Variants in DYTN observed in about 807,000 individuals in gnomAD.
DYTN encodes the protein dystrotelin.
A neutral mutation model predicts 69.6 loss-of-function variants in DYTN; 75 were observed. That is an observed-to-expected ratio of 1.08 (90% CI 0.89 to 1.31). DYTN has a LOEUF of 1.31. Among genes scored for constraint, DYTN ranks in the 50% most tolerant of loss-of-function variants. The pLI, the probability that DYTN is intolerant of heterozygous loss-of-function variation, is 0.00. For synonymous variants in DYTN, 252 were observed against 249.1 expected (o/e 1.01, Z -0.11); for missense variants, 726 against 688.4 (o/e 1.05, Z -0.61).
In DYTN at chr2:206,718,265, T is replaced by C; in HGVS notation, c.15A>G (p.Lys5=). The C allele has an allele frequency of 6.3e-7, 1 of 1,599,564 alleles. No homozygotes were observed. Residue 5 remains lysine (K), a synonymous_variant, in exon 1 of 12, where the codon AAA becomes AAG. Coordinates refer to ENST00000452335, the MANE Select transcript of DYTN (RefSeq NM_001093730.1). ...AAACTTGACAATAATACTCACCTTG[T>C]TTATCTGGATCCATTTCACAAATTT... MDPD[K]QDALNSIENS...
Position 206,662,947 on chromosome 2 carries a change from A to G in DYTN, c.1589T>C (p.Leu530Pro), listed in dbSNP as rs775899210. ...GAAGGCATCCATAAGTTTTGACAATAGTTCTTGCAGTTCCTCTTCCTCCAG... is the reference window on the plus strand; with the variant it reads ...GAAGGCATCCATAAGTTTTGACAATGGTTCTTGCAGTTCCTCTTCCTCCAG... Reference protein sequence around the residue: ...DELEEEELQELLSKLMDAFNL... With the variant: ...DELEEEELQEPLSKLMDAFNL... The change falls in exon 11 of 12, where the codon CTA (leucine) becomes CCA (proline). Residue 530 changes from leucine (L) to proline (P), a missense_variant. Physicochemically the swap from Leu to Pro is moderately conservative, Grantham distance 98. Transcript: ENST00000452335. The G allele has an allele frequency of 1.2e-6, 2 of 1,613,694 alleles. No homozygotes were observed. Among genetic ancestry groups the G allele is most frequent in the Non-Finnish European group, 1.7e-6 (2 of 1,179,842 alleles).
chr2:206,666,860 T>TACAC lies in DYTN; in HGVS notation c.981-835_981-832dup, dbSNP rs35200393. Among the ~76,000 whole-genome samples the TACAC allele has an allele frequency of 5.1e-3, 706 of 137,554 alleles. 1 individual carries two copies. Among genetic ancestry groups the TACAC allele is most frequent in the African/African-American group, 6.1e-3 (227 of 37,432 alleles). 90.2% of individuals were successfully genotyped at this position (137,554 alleles called of 152,430 possible). On this transcript the variant is annotated intron_variant, in intron 9 of 11. Coordinates refer to ENST00000452335, the MANE Select transcript of DYTN (RefSeq NM_001093730.1). ...AGGCAACATGGCAAGACCTCATCTC[T>TACAC]ACACACACACACACACACACACACA... is the stretch of plus-strand genomic sequence containing the variant.
chr2:206,711,796 T>G (rs1700080712), intron 1 of DYTN, among the ~76,000 whole-genome samples: 1 of 150,178 alleles, frequency 6.7e-6, no homozygotes, highest in African/African-American at 2.5e-5. Context: ...CCATGTGTTC[T>G]CATTGTTCAA....
chr2:206,715,032 A>T (rs188879383), intron 1 of DYTN, among the ~76,000 whole-genome samples: 1 of 152,128 alleles, frequency 6.6e-6, no homozygotes, highest in Admixed American at 6.5e-5. Context: ...GATGTCTAAG[A>T]TACTAAGCAG....
chr2:206,695,441 T>C (rs2105898132), intron 7 of DYTN, among the ~76,000 whole-genome samples: 1 of 152,318 alleles, frequency 6.6e-6, no homozygotes, highest in Admixed American at 6.5e-5. Context: ...AGGAAAGATA[T>C]AAAGTAGAGG....
chr2:206,653,668 A>G (rs1699414222), intron 11 of DYTN, among the ~76,000 whole-genome samples: 1 of 152,234 alleles, frequency 6.6e-6, no homozygotes, highest in Non-Finnish European at 1.5e-5. Flanking sequence ...TAATTAATTA[A>G]GCAAGCCAAT....
At chr2:206,694,380 T>A (rs1363674849) in intron 8 of DYTN, among the ~76,000 whole-genome samples, 1 of 152,212 alleles carries the variant, frequency 6.6e-6, no homozygotes, top group Non-Finnish European at 1.5e-5. Flanking sequence ...AGAAAAATTC[T>A]CCAAAAATAT....
chr2:206,654,283 T>C (rs1225310967), intron 11 of DYTN, among the ~76,000 whole-genome samples: 3 of 152,200 alleles, frequency 2.0e-5, no homozygotes, highest in African/African-American at 7.2e-5. Flanking sequence ...CTTCTACCTC[T>C]GCCATACCTG....
intron 11 of DYTN, among the ~76,000 whole-genome samples, chr2:206,655,611 A>T (rs2105885732): frequency 7.0e-6 from 1 of 142,752 alleles, no homozygotes; most frequent in African/African-American, 2.6e-5. Flanking sequence ...TTTTGTAGAG[A>T]TAGGGTCTTG....
intron 10 of DYTN, among the ~76,000 whole-genome samples, chr2:206,664,882 A>G (rs1699552968): frequency 6.6e-6 from 1 of 152,214 alleles, no homozygotes; most frequent in African/African-American, 2.4e-5. Context: ...AATATTTTCC[A>G]AATGACCAAT....
rs1699956554 is a variant in DYTN, at chr2:206,699,770, C to A, written c.676G>T (p.Ala226Ser). Residue 226 changes from alanine to serine, a missense_variant, in exon 7 of 12, where the codon GCT becomes TCT. Coordinates refer to ENST00000452335, the MANE Select transcript of DYTN (RefSeq NM_001093730.1). ...AAAGTCCTGCAGAGAGTGCACCGAG[C>A]AGGGTGAGTGACCCTTTCAGCAGCT... ...LSAAERVTHP[A>S]RCTLCRTFPI... 2.5e-6 allele frequency: 4 copies of A among 1,613,784 alleles called. No homozygotes were observed. The highest frequency in any genetic ancestry group is 1.7e-6 in the Non-Finnish European group (2 of 1,179,802).
chr2:206,711,320 C>T (rs1161594798), intron 1 of DYTN, among the ~76,000 whole-genome samples: 2 of 152,196 alleles, frequency 1.3e-5, no homozygotes, highest in Non-Finnish European at 2.9e-5. Flanking sequence ...AGCGAGCATT[C>T]CTGAGCACTG....
chr2:206,707,419 T>C lies in DYTN; in HGVS notation c.179A>G (p.Gln60Arg). The change falls in exon 3 of 12, where the codon CAG (glutamine) becomes CGG (arginine). Residue 60 changes from glutamine (Q) to arginine (R), a missense_variant. Coordinates refer to ENST00000452335, the MANE Select transcript of DYTN (RefSeq NM_001093730.1). ...CTCTTGGAGTGCCTGAGAAAGTTGC[T>C]GCACAGAAAGGGAGTGCTTGCGAGC... is the stretch of plus-strand genomic sequence containing the variant. ...WEARKHSLSV[Q>R]QLSQALQELF... The C allele has an allele frequency of 6.2e-7, 1 of 1,613,324 alleles. No individual in the cohort carries two copies. The highest frequency in any genetic ancestry group is 8.5e-7 in the Non-Finnish European group (1 of 1,179,698).
chr2:206,675,115 A>ATATGTGTGTG (rs1553573104), intron 9 of DYTN, among the ~76,000 whole-genome samples: 75 of 131,542 alleles, frequency 5.7e-4, no homozygotes, highest in African/African-American at 2.1e-3. Flanking sequence ...ATATATATAT[A>ATATGTGTGTG]TGTGTGTGTG....
chr2:206,712,343 T>G (rs1463122987), intron 1 of DYTN, among the ~76,000 whole-genome samples: 1 of 152,110 alleles, frequency 6.6e-6, no homozygotes, highest in Non-Finnish European at 1.5e-5. Flanking sequence ...ACTAGTTTGA[T>G]TATTGAAGGT....
At chr2:206,717,079 A>ACACACACAC (rs1194032966) in intron 1 of DYTN, among the ~76,000 whole-genome samples, 1,812 of 137,188 alleles carry the variant, frequency 0.013, 27 homozygotes, top group South Asian at 0.046. Context: ...CACACACACA[A>ACACACACAC]AACAAACTCA....
intron 9 of DYTN, among the ~76,000 whole-genome samples, chr2:206,682,093 G>A (rs1699756539): frequency 6.6e-6 from 1 of 152,062 alleles, no homozygotes; most frequent in African/African-American, 2.4e-5. Flanking sequence ...CTTCTTCCTG[G>A]TTTAGTCTTG....
intron 9 of DYTN, among the ~76,000 whole-genome samples, chr2:206,669,791 G>A (rs1192383040): frequency 1.3e-5 from 2 of 151,732 alleles, no homozygotes; most frequent in Non-Finnish European, 2.9e-5. Context: ...AAATTATTTT[G>A]ATACTTTAAA....
chr2:206,682,806 C>T (rs1251387075), intron 9 of DYTN, among the ~76,000 whole-genome samples: 1 of 152,112 alleles, frequency 6.6e-6, no homozygotes, highest in Non-Finnish European at 1.5e-5. Context: ...CAAACCTTCT[C>T]TACCTGTAGC....
Sources: gnomAD v4.1 joint callset for allele counts (sites outside exome capture counted in the v4.1 genomes callset) on GRCh38, gnomAD v4.1.1 for gene constraint, MANE v1.5 for transcripts, NCBI Gene and HGNC (gene_info 2026-07-23, HGNC 2026-07-21) for gene names.